NLGN1: variants seen among roughly 807,000 people sequenced by gnomAD.
NLGN1 encodes neuroligin 1.
A neutral mutation model predicts 65.5 loss-of-function variants in NLGN1; 12 were observed. The observed-to-expected ratio is 0.18, with a 90% CI of 0.12 to 0.30. The LOEUF is 0.30. NLGN1 is among the 10% of genes least tolerant of loss of function. The pLI is 1.00. For synonymous variants in NLGN1, 350 were observed against 359.5 expected (o/e 0.97, Z 0.30); for missense variants, 750 against 1,007.1 (o/e 0.74, Z 3.46).
intron 2 of NLGN1, among the ~76,000 whole-genome samples, chr3:173,525,255 TTG>T (rs1735445947): frequency 6.6e-6 from 1 of 151,978 alleles, no homozygotes. Flanking sequence ...GTTGTTGTTG[TTG>T]TTGTTGGAAG....
At chr3:173,445,039 C>T (rs1446719447) in intron 2 of NLGN1, among the ~76,000 whole-genome samples, 14 of 151,046 alleles carry the variant, frequency 9.3e-5, no homozygotes, top group East Asian at 2.0e-4. Flanking sequence ...GAGGCCGAGG[C>T]GGGCGGATCA....
rs78188074 is a variant in NLGN1 at position 174,123,932 on chromosome 3, G to T, written c.647-151383G>T. 1.2e-4 allele frequency among the ~76,000 whole-genome samples: 19 copies of T among 152,182 alleles called. No individual in the cohort carries two copies. The East Asian group carries it at 3.7e-3, about 29-fold the overall frequency. On this transcript the variant is annotated intron_variant, in intron 4 of 6. Transcript: ENST00000457714. ...ACCATTGTGCTGTGGTCTGAATTGTGTTCTCTCAAATATGTATGTTGAAGC... is the reference window on the plus strand; with the variant it reads ...ACCATTGTGCTGTGGTCTGAATTGTTTTCTCTCAAATATGTATGTTGAAGC...
chr3:173,558,180 T>C (rs1459691689), intron 2 of NLGN1, among the ~76,000 whole-genome samples: 4 of 152,126 alleles, frequency 2.6e-5, no homozygotes, highest in Non-Finnish European at 5.9e-5. Flanking sequence ...GAATATCAGA[T>C]GTTATTTTCT....
chr3:173,522,223 G>A (rs1381682857), intron 2 of NLGN1, among the ~76,000 whole-genome samples: 1 of 152,156 alleles, frequency 6.6e-6, no homozygotes, highest in East Asian at 1.9e-4. Context: ...TTTTGTCTAT[G>A]AGTTATTTCA....
intron 2 of NLGN1, among the ~76,000 whole-genome samples, chr3:173,477,490 A>G (rs1388999624): frequency 1.3e-5 from 2 of 152,156 alleles, no homozygotes; most frequent in African/African-American, 2.4e-5. Flanking sequence ...GCTACAGTGA[A>G]CTATGATCCT....
At chr3:173,603,422 ACT>A (rs577289493) in intron 2 of NLGN1, among the ~76,000 whole-genome samples, 8 of 146,690 alleles carry the variant, frequency 5.5e-5, no homozygotes, top group East Asian at 2.0e-4. Flanking sequence ...TAATCACCAC[ACT>A]CTCTTTTTGT....
At chr3:173,615,709 C>CT (rs1195472962) in intron 3 of NLGN1, among the ~76,000 whole-genome samples, 1 of 150,410 alleles carries the variant, frequency 6.6e-6, no homozygotes, top group Non-Finnish European at 1.5e-5. Context: ...GTTGCTCTGC[C>CT]AAGAAGCAAT....
intron 4 of NLGN1, among the ~76,000 whole-genome samples, chr3:174,203,828 CTT>C (rs1734939015): frequency 1.3e-5 from 2 of 152,096 alleles, no homozygotes; most frequent in Non-Finnish European, 2.9e-5. Flanking sequence ...TTATTAGAAA[CTT>C]AATCCAATCA....
At chr3:174,250,661 T>C (rs768046120) in intron 4 of NLGN1, among the ~76,000 whole-genome samples, 73 of 152,020 alleles carry the variant, frequency 4.8e-4, no homozygotes, top group Non-Finnish European at 8.8e-4. Flanking sequence ...GAGGTCATAT[T>C]AGTGAAGCAG....
intron 3 of NLGN1, among the ~76,000 whole-genome samples, chr3:173,697,470 T>G (rs1560188595): frequency 1.3e-5 from 2 of 152,136 alleles, no homozygotes; most frequent in Non-Finnish European, 2.9e-5. Context: ...TTAAAAACAT[T>G]AAGAGAGGGA....
At chr3:173,443,030 T>C (rs774753404) in intron 2 of NLGN1, among the ~76,000 whole-genome samples, 2 of 151,984 alleles carry the variant, frequency 1.3e-5, no homozygotes, top group Non-Finnish European at 2.9e-5. Context: ...CAGCAGTCTT[T>C]CCAGGGGAGG....
intron 2 of NLGN1, among the ~76,000 whole-genome samples, chr3:173,594,844 C>G (rs564225229): frequency 6.6e-5 from 10 of 152,330 alleles, no homozygotes; most frequent in Admixed American, 4.6e-4. Context: ...TGAAAGCTGC[C>G]AAGGCTTGGG....
chr3:173,451,321 T>A (rs1577545069), intron 2 of NLGN1, among the ~76,000 whole-genome samples: 2 of 152,172 alleles, frequency 1.3e-5, no homozygotes, highest in Non-Finnish European at 2.9e-5. Context: ...TTACTGGAGG[T>A]GCACTCCAGA....
chr3:173,502,082 TAA>T (rs1210380379), intron 2 of NLGN1, among the ~76,000 whole-genome samples: 6 of 152,142 alleles, frequency 3.9e-5, no homozygotes, highest in South Asian at 2.1e-4. Flanking sequence ...CTCTGTATGT[TAA>T]GTCACACTGT....
intron 3 of NLGN1, among the ~76,000 whole-genome samples, chr3:173,672,464 G>A (rs950831897): frequency 2.5e-4 from 38 of 152,286 alleles, no homozygotes; most frequent in African/African-American, 8.7e-4. Flanking sequence ...AGAAATTCCT[G>A]GATAGGTGAA....
intron 4 of NLGN1, among the ~76,000 whole-genome samples, chr3:174,124,265 A>G (rs758106913): frequency 6.6e-6 from 1 of 152,110 alleles, no homozygotes; most frequent in Non-Finnish European, 1.5e-5. Flanking sequence ...ACTACTATAC[A>G]TTGTCACTGG....
At chr3:174,070,952 G>A (rs1739709113) in intron 4 of NLGN1, among the ~76,000 whole-genome samples, 1 of 152,080 alleles carries the variant, frequency 6.6e-6, no homozygotes, top group Non-Finnish European at 1.5e-5. Context: ...CTACTCCAGA[G>A]GCTGATGTGG....
intron 4 of NLGN1, among the ~76,000 whole-genome samples, chr3:173,871,811 T>G (rs953771598): frequency 1.3e-5 from 2 of 152,142 alleles, no homozygotes; most frequent in African/African-American, 4.8e-5. Context: ...ATACCGGAGT[T>G]AAGGTGTGAT....
At chr3:174,225,592 G>T (rs112149884) in intron 4 of NLGN1, among the ~76,000 whole-genome samples, 2 of 152,140 alleles carry the variant, frequency 1.3e-5, no homozygotes, top group Non-Finnish European at 2.9e-5. Context: ...TTCTCTGGGC[G>T]TGGTGGCGGG....
Sources: gnomAD v4.1 joint callset for allele counts (sites outside exome capture counted in the v4.1 genomes callset) on GRCh38, gnomAD v4.1.1 for gene constraint, MANE v1.5 for transcripts, NCBI Gene and HGNC (gene_info 2026-07-23, HGNC 2026-07-21) for gene names.